Variants in PPP2R5A observed in about 807,000 individuals in gnomAD.
The protein encoded by PPP2R5A is protein phosphatase 2 regulatory subunit B'alpha, also known as serine/threonine-protein phosphatase 2A 56 kDa regulatory subunit alpha isoform.
In PPP2R5A, 25 loss-of-function variants were observed where a neutral mutation model predicts 64.2. The ratio of observed to expected loss-of-function variants is 0.39; its 90% CI spans 0.28 to 0.54. The LOEUF is 0.54. Among genes scored for constraint, PPP2R5A ranks in the 20% least tolerant of loss-of-function variants. The pLI, the probability that PPP2R5A is intolerant of heterozygous loss-of-function variation, is 0.67. For synonymous variants in PPP2R5A, 198 were observed against 201.2 expected (o/e 0.98, Z 0.13); for missense variants, 425 against 576.3 (o/e 0.74, Z 2.69).
At chr1:212,305,851 C>T (rs1466707073) in intron 1 of PPP2R5A, among the ~76,000 whole-genome samples, 2 of 151,882 alleles carry the variant, frequency 1.3e-5, no homozygotes, top group Non-Finnish European at 2.9e-5. Flanking sequence ...ATATTTATAT[C>T]TAAATAAGAT....
At chr1:212,308,177 T>C (rs935158188) in intron 1 of PPP2R5A, among the ~76,000 whole-genome samples, 1 of 152,190 alleles carries the variant, frequency 6.6e-6, no homozygotes, top group Non-Finnish European at 1.5e-5. Flanking sequence ...TTGAGCACTT[T>C]GAATATGTTA....
intron 8 of PPP2R5A, chr1:212,352,865 A>G (rs763074926): frequency 3.9e-6 from 2 of 519,120 alleles, no homozygotes; most frequent in Non-Finnish European, 7.7e-6. Flanking sequence ...GCTGTGGTCA[A>G]AAAGAAGCCA....
chr1:212,323,784 T>C (rs1433086699), intron 1 of PPP2R5A, among the ~76,000 whole-genome samples: 2 of 151,978 alleles, frequency 1.3e-5, no homozygotes, highest in African/African-American at 4.8e-5. Flanking sequence ...AAAAAATGTG[T>C]AACATGGGGC....
At chr1:212,342,107 G>A in intron 3 of PPP2R5A, 81 bp from the exon 4 acceptor site, 1 of 1,502,772 alleles carries the variant, frequency 6.7e-7, no homozygotes, top group Non-Finnish European at 8.9e-7. Context: ...GTAAGAAAAG[G>A]TGTGTTTTTA....
At chr1:212,330,541 T>C (rs1659484797) in intron 2 of PPP2R5A, among the ~76,000 whole-genome samples, 1 of 76,452 alleles carries the variant, frequency 1.3e-5, no homozygotes, top group Non-Finnish European at 2.6e-5. Context: ...GAGGAACACC[T>C]TGTCTCAAAA....
At chr1:212,324,433 G>T (rs1439896521) in intron 1 of PPP2R5A, among the ~76,000 whole-genome samples, 4 of 152,098 alleles carry the variant, frequency 2.6e-5, no homozygotes, top group Non-Finnish European at 4.4e-5. Context: ...AAGTCATTTT[G>T]TGTCTTCTTT....
intron 1 of PPP2R5A, among the ~76,000 whole-genome samples, chr1:212,287,788 A>C (rs894011655): frequency 5.3e-5 from 8 of 152,174 alleles, no homozygotes; most frequent in Admixed American, 3.9e-4. Context: ...CTTATTTAAA[A>C]TATCATAGTT....
chr1:212,322,753 C>CT (rs1289101355), intron 1 of PPP2R5A, among the ~76,000 whole-genome samples: 88 of 110,676 alleles, frequency 8.0e-4, no homozygotes, highest in Non-Finnish European at 1.4e-3. Context: ...AATTAATTCT[C>CT]ATTTTATTTA....
chr1:212,338,982 T>A (rs1037989078), intron 3 of PPP2R5A, among the ~76,000 whole-genome samples: 2 of 152,090 alleles, frequency 1.3e-5, no homozygotes, highest in Non-Finnish European at 2.9e-5. Flanking sequence ...AAAATAATAA[T>A]AAAATAATTG....
chr1:212,291,364 G>A (rs1182374960), intron 1 of PPP2R5A, among the ~76,000 whole-genome samples: 4 of 152,142 alleles, frequency 2.6e-5, no homozygotes. Context: ...TTACAGGCGT[G>A]AGCCACTGCA....
chr1:212,341,314 C>G (rs961000624), intron 3 of PPP2R5A, among the ~76,000 whole-genome samples: 1 of 152,174 alleles, frequency 6.6e-6, no homozygotes, highest in East Asian at 1.9e-4. Context: ...CCTGTACTTA[C>G]GTAATTTGGT....
At chr1:212,347,265 T>A (rs1659799175) in intron 5 of PPP2R5A, 82 bp from the exon 6 acceptor site, 2 of 1,000,560 alleles carry the variant, frequency 2.0e-6, no homozygotes, top group South Asian at 2.9e-5. Context: ...TCCTTTGGAT[T>A]GATTTCTTCA....
chr1:212,317,589 T>C (rs1659181739), intron 1 of PPP2R5A, among the ~76,000 whole-genome samples: 1 of 152,232 alleles, frequency 6.6e-6, no homozygotes, highest in Non-Finnish European at 1.5e-5. Context: ...TCTGATTTTT[T>C]TTTTTTAAAC....
At chr1:212,311,363 G>A (rs940857819) in intron 1 of PPP2R5A, among the ~76,000 whole-genome samples, 7 of 152,124 alleles carry the variant, frequency 4.6e-5, no homozygotes, top group African/African-American at 9.6e-5. Flanking sequence ...AGCTGCTCCC[G>A]GAGGCTGAGG....
At chr1:212,320,579 C>T (rs961920188) in intron 1 of PPP2R5A, among the ~76,000 whole-genome samples, 1 of 118,908 alleles carries the variant, frequency 8.4e-6, no homozygotes, top group Non-Finnish European at 1.6e-5. Context: ...GGGGGGCTGA[C>T]CCCCCCGCCT....
chr1:212,349,182 CT>C lies in PPP2R5A; in HGVS notation c.874-3del. 6.5e-7 allele frequency: 1 copy of C among 1,528,420 alleles called. No individual in the cohort carries two copies. The highest frequency in any genetic ancestry group is 1.2e-5 in the South Asian group (1 of 80,454). The allele number at this position is 1,528,420 out of a possible 1,614,324, so 94.7% of individuals were successfully genotyped here. A position where few individuals can be genotyped will look rare whatever the true frequency, so the allele number is the denominator to read the frequency against. On this transcript the variant is annotated splice_polypyrimidine_tract_variant and splice_region_variant and intron_variant, in intron 7 of 12. Coordinates refer to ENST00000261461, the MANE Select transcript of PPP2R5A (RefSeq NM_006243.4). ...CTAATATTTATAAACTGTCCCTTAC[CT>C]TTTAGCTAGCATATTGTGTTGTACA... is the stretch of plus-strand genomic sequence containing the variant.
At chr1:212,290,417 A>G (rs904162813) in intron 1 of PPP2R5A, among the ~76,000 whole-genome samples, 10 of 152,208 alleles carry the variant, frequency 6.6e-5, no homozygotes, top group African/African-American at 1.9e-4. Context: ...GGAGAGTTCA[A>G]ATTCATCTGA....
chr1:212,329,397 T>A, intron 2 of PPP2R5A, 66 bp downstream of exon 2: 1 of 1,272,644 alleles, frequency 7.9e-7, no homozygotes, highest in East Asian at 2.6e-5. Flanking sequence ...AATAATGAAT[T>A]GAGACTGATT....
intron 3 of PPP2R5A, 61 bp from the exon 4 acceptor site, chr1:212,342,127 G>T: frequency 6.4e-7 from 1 of 1,556,500 alleles, no homozygotes. Flanking sequence ...AATATGAAGT[G>T]ATTATTTAGG....
Sources: allele counts gnomAD v4.1 joint callset (sites outside exome capture counted in the v4.1 genomes callset), GRCh38; gene constraint gnomAD v4.1.1; transcripts MANE v1.5; gene names NCBI Gene and HGNC (gene_info 2026-07-23, HGNC 2026-07-21).